Variants in LTBP1 observed in about 807,000 individuals in gnomAD.
LTBP1 encodes latent transforming growth factor beta binding protein 1, also known as latent-transforming growth factor beta-binding protein 1.
LTBP1 carries 129 observed loss-of-function variants against 207.6 expected under a neutral mutation model. The ratio of observed to expected loss-of-function variants is 0.62; its 90% CI spans 0.54 to 0.72. The LOEUF (loss-of-function observed/expected upper bound fraction) is 0.72, where lower values mean the gene tolerates loss of function less well. Ranked by LOEUF, LTBP1 falls within the 30% of genes least tolerant of loss-of-function variation. The pLI is 0.00. For missense variants in LTBP1, 2,281 were observed against 2,217.2 expected, an observed-to-expected ratio of 1.03 and a Z score of -0.58; for synonymous variants, 963 against 833.7, an observed-to-expected ratio of 1.16 and a Z score of -2.67.
intron 32 of LTBP1, 105 bp from the exon 33 acceptor site, chr2:33,397,028 C>T: frequency 2.1e-6 from 2 of 951,056 alleles, no homozygotes; most frequent in South Asian, 3.3e-5. Context: ...TATGTATGGA[C>T]ATATATGTGT....
chr2:33,123,305 A>C (rs533369417), intron 4 of LTBP1, among the ~76,000 whole-genome samples: 1 of 152,294 alleles, frequency 6.6e-6, no homozygotes, highest in South Asian at 2.1e-4. Flanking sequence ...GGAATGGAGA[A>C]TGTTCACCTT....
At chr2:32,996,862 G>C (rs1685362178) in intron 2 of LTBP1, among the ~76,000 whole-genome samples, 1 of 152,006 alleles carries the variant, frequency 6.6e-6, no homozygotes, top group South Asian at 2.1e-4. Flanking sequence ...CACTGCCCAG[G>C]GGTGGTATGG....
At chr2:33,362,031 G>A (rs1367883836) in intron 28 of LTBP1, among the ~76,000 whole-genome samples, 1 of 152,128 alleles carries the variant, frequency 6.6e-6, no homozygotes, top group African/African-American at 2.4e-5. Flanking sequence ...GACAACCAAA[G>A]TAGACATGTT....
At chr2:33,198,893 T>C (rs1357202499) in intron 7 of LTBP1, among the ~76,000 whole-genome samples, 2 of 152,238 alleles carry the variant, frequency 1.3e-5, no homozygotes, top group African/African-American at 4.8e-5. Flanking sequence ...TGTGTCTCTA[T>C]TTCTTTGAGT....
intron 25 of LTBP1, 80 bp from the exon 26 acceptor site, chr2:33,347,287 T>TTTCAGCA (rs1553512030): frequency 1.1e-5 from 17 of 1,545,152 alleles, no homozygotes; most frequent in Non-Finnish European, 1.5e-5. Flanking sequence ...AAGACACTAT[T>TTTCAGCA]AGCCCTGGCA....
intron 2 of LTBP1, among the ~76,000 whole-genome samples, chr2:32,962,826 T>G (rs1285634761): frequency 6.6e-6 from 1 of 152,244 alleles, no homozygotes; most frequent in Non-Finnish European, 1.5e-5. Flanking sequence ...GGGAACTTGT[T>G]AGAAATGCAA....
chr2:33,087,301 C>G (rs2078822317), intron 3 of LTBP1, among the ~76,000 whole-genome samples: 1 of 151,994 alleles, frequency 6.6e-6, no homozygotes, highest in African/African-American at 2.4e-5. Context: ...CTCCTGGCCT[C>G]AAGGAATTCT....
intron 5 of LTBP1, among the ~76,000 whole-genome samples, chr2:33,172,210 G>C (rs1040002972): frequency 1.3e-5 from 2 of 152,158 alleles, no homozygotes; most frequent in Non-Finnish European, 2.9e-5. Context: ...GACACAGACT[G>C]GCAAATTGGA....
chr2:32,995,974 C>G (rs976219912), intron 2 of LTBP1, among the ~76,000 whole-genome samples: 11 of 152,148 alleles, frequency 7.2e-5, no homozygotes, highest in African/African-American at 2.7e-4. Flanking sequence ...CGTAATCTTA[C>G]ACCTGTGGGA....
intron 2 of LTBP1, among the ~76,000 whole-genome samples, chr2:33,017,014 CT>C (rs1415352481): frequency 6.6e-6 from 1 of 152,058 alleles, no homozygotes; most frequent in African/African-American, 2.4e-5. Context: ...AAGACTATGT[CT>C]CAAAAAATAA....
chr2:33,363,868 T>C (rs940066974), intron 29 of LTBP1, among the ~76,000 whole-genome samples: 1 of 152,214 alleles, frequency 6.6e-6, no homozygotes, highest in African/African-American at 2.4e-5. Context: ...ACTTTAATGC[T>C]TAAGCAGAAA....
At chr2:33,223,926 C>T (rs2091284617) in intron 9 of LTBP1, among the ~76,000 whole-genome samples, 1 of 152,138 alleles carries the variant, frequency 6.6e-6, no homozygotes, top group African/African-American at 2.4e-5. Flanking sequence ...ATTAACTGTC[C>T]TACAAAACAA....
intron 15 of LTBP1, among the ~76,000 whole-genome samples, chr2:33,265,694 T>G (rs533530990): frequency 6.8e-6 from 1 of 148,054 alleles, no homozygotes; most frequent in African/African-American, 2.6e-5. Flanking sequence ...TTAGCAGTGG[T>G]TTTTTTTTAG....
chr2:33,223,524 T>G (rs2091253126), intron 9 of LTBP1, among the ~76,000 whole-genome samples: 2 of 150,918 alleles, frequency 1.3e-5, no homozygotes, highest in South Asian at 4.2e-4. Flanking sequence ...AGTCAGAATT[T>G]AAGGTATCAT....
intron 10 of LTBP1, among the ~76,000 whole-genome samples, chr2:33,250,373 C>G (rs2092648954): frequency 6.6e-6 from 1 of 152,056 alleles, no homozygotes; most frequent in South Asian, 2.1e-4. Flanking sequence ...TGGTGCTCAC[C>G]CCCTCCACAA....
At chr2:33,397,554 C>CTGGAGTGCA (rs2095370561) in intron 33 of LTBP1, among the ~76,000 whole-genome samples, 1 of 136,220 alleles carries the variant, frequency 7.3e-6, no homozygotes, top group Non-Finnish European at 1.5e-5. Flanking sequence ...GTCGCCCAGG[C>CTGGAGTGCA]TGGAGTGCAG....
intron 7 of LTBP1, among the ~76,000 whole-genome samples, chr2:33,190,183 C>T (rs770458121): frequency 1.3e-5 from 2 of 152,106 alleles, no homozygotes; most frequent in African/African-American, 2.4e-5. Context: ...AACCTAAAAG[C>T]GTTGGTTCCT....
At chr2:33,383,504 C>T (rs575611678) in intron 31 of LTBP1, among the ~76,000 whole-genome samples, 3 of 152,142 alleles carry the variant, frequency 2.0e-5, no homozygotes, top group Non-Finnish European at 2.9e-5. Flanking sequence ...AAGAAAAATA[C>T]CTGGTCTAGA....
chr2:32,991,873 A>G (rs2148862910), intron 2 of LTBP1, among the ~76,000 whole-genome samples: 1 of 152,304 alleles, frequency 6.6e-6, no homozygotes, highest in East Asian at 1.9e-4. Flanking sequence ...TTTCTTTCAG[A>G]GACAACTTTA....
Sources: allele counts gnomAD v4.1 joint callset (sites outside exome capture counted in the v4.1 genomes callset), GRCh38; gene constraint gnomAD v4.1.1; transcripts MANE v1.5; gene names NCBI Gene and HGNC (gene_info 2026-07-23, HGNC 2026-07-21).